The following KAZN variants were observed in gnomAD, a reference collection of about 807,000 sequenced individuals.
The protein encoded by KAZN is kazrin, periplakin interacting protein, also known as kazrin.
KAZN carries 40 observed loss-of-function variants against 87.4 expected under a neutral mutation model. The observed-to-expected ratio is 0.46, with a 90% confidence interval of 0.36 to 0.60. The LOEUF is 0.60. Ranked by LOEUF, KAZN falls within the 20% of genes least tolerant of loss-of-function variation. The pLI is 0.00. For missense variants in KAZN, 898 were observed against 1,073.9 expected, an observed-to-expected ratio of 0.84 and a Z score of 2.29; for synonymous variants, 466 against 458.3, an observed-to-expected ratio of 1.02 and a Z score of -0.22.
At position 15,077,161 on chromosome 1, in the gene KAZN, A is replaced by AT. The variant is rs79608421; in HGVS notation, c.1222+11417dup. Among the ~76,000 whole-genome samples the AT allele has an allele frequency of 5.3e-5, 8 of 151,736 alleles. No homozygotes were observed. Among genetic ancestry groups the AT allele is most frequent in the South Asian group, 2.1e-4 (1 of 4,806 alleles). On this transcript the variant is annotated intron_variant, in intron 8 of 14. Coordinates refer to ENST00000376030, the MANE Select transcript of KAZN (RefSeq NM_201628.3). This position sits in a 1 kb window ranked among gnomAD's most constrained non-coding sequence, Gnocchi z 4.8. ...CCCAAGTCTTTCATATTGACAACTA[A>AT]TTTTTTTTTAATTTAGTGTCCATTG... is the stretch of plus-strand genomic sequence containing the variant.
chr1:14,656,448 C>G (rs1460807810), intron 1 of KAZN, among the ~76,000 whole-genome samples: 1 of 152,144 alleles, frequency 6.6e-6, no homozygotes, highest in Non-Finnish European at 1.5e-5. Context: ...CAATTGCCAC[C>G]CAGTTTTGAG....
At chr1:14,396,417 C>G (rs548883432) in intron 2 of KAZN, among the ~76,000 whole-genome samples, 1 of 152,136 alleles carries the variant, frequency 6.6e-6, no homozygotes, top group Non-Finnish European at 1.5e-5. Flanking sequence ...CATACAGGTT[C>G]CAAAAAATGA....
At position 15,058,953 on chromosome 1, in the gene KAZN, C is replaced by T. The variant is rs181564628; in HGVS notation, c.917-1219C>T. Among the ~76,000 whole-genome samples, 311 of 152,088 alleles carry T rather than the reference C, an allele frequency of 2.0e-3. 1 individual carries two copies. The highest frequency in any genetic ancestry group is 6.8e-3 in the Middle Eastern group (2 of 294). ...AGGAGAATCACTTGAACCCGGGAAG[C>T]AGAGGTTGTGGCGAGCAAAGAACAC... On this transcript the variant is annotated intron_variant, in intron 5 of 14. Transcript: ENST00000376030.
intron 1 of KAZN, among the ~76,000 whole-genome samples, chr1:14,933,808 G>A (rs1249402641): frequency 1.3e-5 from 2 of 151,360 alleles, no homozygotes; most frequent in Admixed American, 1.3e-4. Flanking sequence ...ACACCCAGCA[G>A]CATCACTTTT....
intron 10 of KAZN, among the ~76,000 whole-genome samples, chr1:15,095,203 C>T (rs190847335): frequency 1.9e-4 from 29 of 152,346 alleles, no homozygotes; most frequent in African/African-American, 6.5e-4. Context: ...AATGCGGGAA[C>T]CTCACGAGCC....
chr1:14,922,903 G>A (rs1402761615), intron 1 of KAZN, among the ~76,000 whole-genome samples: 1 of 152,200 alleles, frequency 6.6e-6, no homozygotes, highest in Non-Finnish European at 1.5e-5. Flanking sequence ...GGGGGCGGGG[G>A]GAAGCTGGGA....
intron 2 of KAZN, among the ~76,000 whole-genome samples, chr1:14,243,800 A>C (rs1649230353): frequency 6.6e-6 from 1 of 152,174 alleles, no homozygotes; most frequent in African/African-American, 2.4e-5. Context: ...AGGAGTGTCT[A>C]ATCTCACTCT....
chr1:14,960,163 T>C (rs568455481), intron 1 of KAZN, among the ~76,000 whole-genome samples: 2 of 152,192 alleles, frequency 1.3e-5, no homozygotes, highest in Non-Finnish European at 2.9e-5. Context: ...AGCATGAGAC[T>C]GGGAGTCCAG....
intron 1 of KAZN, among the ~76,000 whole-genome samples, chr1:14,807,756 A>G (rs185531524): frequency 6.6e-6 from 1 of 152,220 alleles, no homozygotes; most frequent in Admixed American, 6.5e-5. Context: ...GTGACAGAGT[A>G]AGACCCTGCC....
intron 1 of KAZN, among the ~76,000 whole-genome samples, chr1:14,836,731 G>T (rs1231028293): frequency 6.6e-6 from 1 of 152,160 alleles, no homozygotes; most frequent in Non-Finnish European, 1.5e-5. Context: ...GAAATGGAGA[G>T]GGGGTGTCTC....
intron 1 of KAZN, among the ~76,000 whole-genome samples, chr1:14,039,169 CA>C (rs5772558): frequency 0.61 from 74,317 of 122,290 alleles, 21,833 homozygotes; most frequent in Admixed American, 0.74. Flanking sequence ...GACTCTGTCT[CA>C]AAAAAAAAAA....
chr1:13,926,661 A>G (rs1216894076), intron 1 of KAZN, among the ~76,000 whole-genome samples: 2 of 152,142 alleles, frequency 1.3e-5, no homozygotes, highest in Non-Finnish European at 2.9e-5. Flanking sequence ...TTAAAAAAAA[A>G]AAAAAAATCT....
At chr1:14,965,287 T>C (rs1175081784) in intron 2 of KAZN, among the ~76,000 whole-genome samples, 2 of 152,110 alleles carry the variant, frequency 1.3e-5, no homozygotes, top group African/African-American at 4.8e-5. Context: ...TCCAAAGTGC[T>C]GAGATTACAA....
chr1:14,723,662 T>C (rs1643234676), intron 1 of KAZN, among the ~76,000 whole-genome samples: 1 of 152,208 alleles, frequency 6.6e-6, no homozygotes, highest in African/African-American at 2.4e-5. Flanking sequence ...TGCATTCGTC[T>C]CCTTTTCCAC....
intron 1 of KAZN, among the ~76,000 whole-genome samples, chr1:14,634,841 G>A (rs2148664925): frequency 6.6e-6 from 1 of 152,234 alleles, no homozygotes; most frequent in South Asian, 2.1e-4. Flanking sequence ...TCCACTCAGG[G>A]GTGGGTGGGT....
intron 1 of KAZN, among the ~76,000 whole-genome samples, chr1:13,942,437 G>A (rs1181744625): frequency 6.8e-6 from 1 of 148,110 alleles, no homozygotes; most frequent in African/African-American, 2.5e-5. Context: ...CTACTCGGGA[G>A]GCTGAGGCAG....
intron 1 of KAZN, among the ~76,000 whole-genome samples, chr1:14,902,507 C>T (rs1257164095): frequency 6.6e-6 from 1 of 152,152 alleles, no homozygotes; most frequent in Non-Finnish European, 1.5e-5. Flanking sequence ...GAATTACAGG[C>T]GTGAGCCACC....
At chr1:14,688,505 C>T (rs1346934720) in intron 1 of KAZN, among the ~76,000 whole-genome samples, 1 of 152,236 alleles carries the variant, frequency 6.6e-6, no homozygotes, top group Non-Finnish European at 1.5e-5. Context: ...GACCTCTGCC[C>T]TCAAGCATCT....
intron 1 of KAZN, among the ~76,000 whole-genome samples, chr1:14,702,760 G>A (rs373642319): frequency 1.4e-4 from 21 of 152,230 alleles, no homozygotes; most frequent in East Asian, 9.7e-4. Context: ...TGGCCCTTTC[G>A]CCATGCTCTG....
Sources: gnomAD v4.1 joint callset for allele counts (sites outside exome capture counted in the v4.1 genomes callset) on GRCh38, gnomAD v4.1.1 for gene constraint, Gnocchi (gnomAD v3.1) non-coding constraint, MANE v1.5 for transcripts, NCBI Gene and HGNC (gene_info 2026-07-23, HGNC 2026-07-21) for gene names.